ZNF695: variants seen among roughly 807,000 people sequenced by gnomAD.
The protein encoded by ZNF695 is zinc finger protein 695.
A neutral mutation model predicts 11.2 loss-of-function variants in ZNF695; 11 were observed. The ratio of observed to expected loss-of-function variants is 0.98; its 90% confidence interval spans 0.62 to 1.62. The LOEUF (loss-of-function observed/expected upper bound fraction) is 1.62, where lower values mean the gene tolerates loss of function less well. Among genes scored for constraint, ZNF695 ranks in the 40% most tolerant of loss-of-function variants. The pLI is 0.00. For synonymous variants in ZNF695, 190 were observed against 201.4 expected, an observed-to-expected ratio of 0.94 and a Z score of 0.48; for missense variants, 559 against 590.5, an observed-to-expected ratio of 0.95 and a Z score of 0.55.
chr1:246,982,379 A>G (rs1392521898), downstream of ZNF695, among the ~76,000 whole-genome samples: 2 of 152,164 alleles, frequency 1.3e-5, no homozygotes, highest in African/African-American at 4.8e-5. Context: ...TGGAAACATA[A>G]GGTGTGCTGT....
chr1:246,979,106 A>G (rs910161230), intron 4 of ZNF695, among the ~76,000 whole-genome samples: 4 of 152,168 alleles, frequency 2.6e-5, no homozygotes, highest in African/African-American at 7.2e-5. Context: ...AACCTAGGCT[A>G]GGATCTAAAG....
At chr1:246,983,762 G>A (rs903422801), downstream of ZNF695, among the ~76,000 whole-genome samples, 12 of 152,142 alleles carry the variant, frequency 7.9e-5, no homozygotes, top group African/African-American at 2.9e-4. Context: ...AAGTTGCAGT[G>A]AGCCAAGATT....
intron 5 of ZNF695, among the ~76,000 whole-genome samples, chr1:246,960,210 A>G (rs959989638): frequency 1.3e-5 from 2 of 152,224 alleles, no homozygotes; most frequent in South Asian, 4.1e-4. Flanking sequence ...CTATTCAAAG[A>G]AATTGTAAAC....
In ZNF695 at chr1:246,976,764, A is replaced by G. The variant is rs575975508; in HGVS notation, c.391-8972T>C. 1.1e-4 allele frequency among the ~76,000 whole-genome samples: 16 copies of G among 152,256 alleles called. No homozygotes were observed. The East Asian group carries it at 2.3e-3, about 22-fold the overall frequency. ...TGCTGAGATCGCGCCACTGCACTCC[A>G]GCCTGGGCGACAGAGCGAAACTCCG... On this transcript the variant is annotated intron_variant, in intron 4 of 5. Coordinates refer to the ZNF695 transcript ENST00000487338.
chr1:246,973,931 C>T (rs1668490735), intron 4 of ZNF695, among the ~76,000 whole-genome samples: 1 of 152,176 alleles, frequency 6.6e-6, no homozygotes, highest in Non-Finnish European at 1.5e-5. Context: ...CAGTGCCTTT[C>T]ATGGCCTCAG....
intron 1 of ZNF695, among the ~76,000 whole-genome samples, chr1:247,003,131 T>C (rs774220448): frequency 1.3e-5 from 2 of 152,184 alleles, no homozygotes; most frequent in Non-Finnish European, 2.9e-5. Flanking sequence ...CAAAGGAGTA[T>C]ATATCATTCT....
In ZNF695 at chr1:246,987,307, G is replaced by T; in HGVS notation, c.1208C>A (p.Thr403Asn). Residue 403 changes from threonine to asparagine, a missense_variant, in exon 4 of 4, where the codon ACT becomes AAT. Physicochemically the swap from Thr to Asn is moderately conservative, Grantham distance 65. Coordinates refer to ENST00000339986, the MANE Select transcript of ZNF695 (RefSeq NM_020394.5). ...SYLIQHKRIH[T>N]GQKPYKCEEC... Reference sequence around the variant, plus strand: ...CTCACATTTGTAGGGTTTCTGCCCAGTATGAATTCTCTTATGCTGAATAAG... The same window carrying T: ...CTCACATTTGTAGGGTTTCTGCCCATTATGAATTCTCTTATGCTGAATAAG... 1 of 1,613,700 alleles carries T rather than the reference G, an allele frequency of 6.2e-7. No individual in the cohort carries two copies. The highest frequency in any genetic ancestry group is 8.5e-7 in the Non-Finnish European group (1 of 1,179,944).
At chr1:246,953,842 C>T (rs1451731580) in intron 5 of ZNF695, among the ~76,000 whole-genome samples, 2 of 150,890 alleles carry the variant, frequency 1.3e-5, no homozygotes. Flanking sequence ...AGGAGAATCA[C>T]TTGAACCCAG....
intron 3 of ZNF695, chr1:246,995,997 TA>T (rs1416549569): frequency 1.3e-5 from 6 of 452,762 alleles, no homozygotes; most frequent in Middle Eastern, 3.3e-4. Context: ...CAAAAGCTGA[TA>T]GGGGAAAACA....
At chr1:246,993,332 G>A (rs1342605770) in intron 3 of ZNF695, among the ~76,000 whole-genome samples, 3 of 152,026 alleles carry the variant, frequency 2.0e-5, no homozygotes, top group South Asian at 2.1e-4. Context: ...GCTTGAACCC[G>A]GGAGGCAGAG....
rs756475439 is a variant in ZNF695 at position 246,987,207 on chromosome 1, G to A, written c.1308C>T (p.Tyr436=). The change falls in exon 4 of 4, where the codon TAC becomes TAT. Residue 436 remains tyrosine, a synonymous_variant. Transcript: ENST00000339986. ...HKRIHTGEKP[Y]KCDECGKAFN... ...AAGCTTTGCCACATTCATCACATTT[G>A]TAGGGTTTCTCTCCAGTATGAATTC... The A allele has an allele frequency of 1.2e-6, 2 of 1,613,972 alleles. No individual in the cohort carries two copies. The highest frequency in any genetic ancestry group is 2.2e-5 in the South Asian group (2 of 91,084).
chr1:246,955,809 A>C (rs1393935115), intron 5 of ZNF695, among the ~76,000 whole-genome samples: 1 of 152,148 alleles, frequency 6.6e-6, no homozygotes, highest in Non-Finnish European at 1.5e-5. Context: ...CAGCACACAG[A>C]AGGTGCTCAG....
At chr1:246,963,820 G>C (rs1338797777) in intron 5 of ZNF695, among the ~76,000 whole-genome samples, 5 of 152,140 alleles carry the variant, frequency 3.3e-5, no homozygotes, top group Admixed American at 3.3e-4. Context: ...CCTGGAGTTA[G>C]AGTCAGATTG....
chr1:247,002,523 C>T (rs1268212200), intron 1 of ZNF695, among the ~76,000 whole-genome samples: 2 of 152,168 alleles, frequency 1.3e-5, no homozygotes, highest in East Asian at 1.9e-4. Context: ...TGGTGGCTCC[C>T]GCATGTAATC....
chr1:246,971,124 A>G (rs1222179939), intron 4 of ZNF695, among the ~76,000 whole-genome samples: 1 of 152,204 alleles, frequency 6.6e-6, no homozygotes, highest in Non-Finnish European at 1.5e-5. Context: ...TTGGCAGGGT[A>G]AGGAGTGTGA....
At chr1:246,967,475 G>A in intron 5 of ZNF695, 3 of 453,992 alleles carry the variant, frequency 6.6e-6, no homozygotes, top group Admixed American at 2.4e-5. Context: ...GGGGATAAAA[G>A]AGAAAAAGGG....
chr1:246,977,308 G>A (rs891906519), intron 4 of ZNF695, among the ~76,000 whole-genome samples: 5 of 152,346 alleles, frequency 3.3e-5, no homozygotes, highest in East Asian at 3.9e-4. Flanking sequence ...CCAGGCTGGA[G>A]TGCAGTGGTG....
In ZNF695 at chr1:246,990,177, A is replaced by G. The variant is rs75937701; in HGVS notation, c.260-1922T>C. Among the ~76,000 whole-genome samples the G allele has an allele frequency of 5.1e-3, 656 of 127,924 alleles. 5 individuals carry two copies. The highest frequency in any genetic ancestry group is 0.018 in the African/African-American group (613 of 34,664). The allele number at this position is 127,924 out of a possible 152,430, so 83.9% of individuals were successfully genotyped here. On this transcript the variant is annotated intron_variant, in intron 3 of 3. Coordinates refer to ENST00000339986, the MANE Select transcript of ZNF695 (RefSeq NM_020394.5). Reference sequence around the variant, plus strand: ...AGGAAGAGAGGAAAAGGAAGGAAAGAAAGGAAAGGAAGGAAAAGAGAAAGA... The same window carrying G: ...AGGAAGAGAGGAAAAGGAAGGAAAGGAAGGAAAGGAAGGAAAAGAGAAAGA...
At chr1:246,978,406 T>C (rs1668621641) in intron 4 of ZNF695, among the ~76,000 whole-genome samples, 2 of 152,354 alleles carry the variant, frequency 1.3e-5, no homozygotes, top group South Asian at 4.1e-4. Flanking sequence ...CTGTTAATCT[T>C]TTGTAAGGTT....
Sources: allele counts gnomAD v4.1 joint callset (sites outside exome capture counted in the v4.1 genomes callset), GRCh38; gene constraint gnomAD v4.1.1; transcripts MANE v1.5; gene names NCBI Gene and HGNC (gene_info 2026-07-23, HGNC 2026-07-21).